The following APPL1 variants were observed in gnomAD, a reference collection of about 807,000 sequenced individuals.
The protein encoded by APPL1 is adaptor protein, phosphotyrosine interacting with PH domain and leucine zipper 1, also known as DCC-interacting protein 13-alpha.
Under a neutral mutation model 106.8 loss-of-function variants are expected in APPL1, and 42 were observed. The observed-to-expected ratio is 0.39, with a 90% CI of 0.31 to 0.51. APPL1 has a LOEUF of 0.51. Ranked by LOEUF, APPL1 falls within the 20% of genes least tolerant of loss-of-function variation. The pLI is 0.75. For missense variants in APPL1, 769 were observed against 858.2 expected, an observed-to-expected ratio of 0.90 and a Z score of 1.30; for synonymous variants, 263 against 281.8, an observed-to-expected ratio of 0.93 and a Z score of 0.67.
chr3:57,233,812 C>T (rs1476298618), intron 1 of APPL1, among the ~76,000 whole-genome samples: 1 of 152,050 alleles, frequency 6.6e-6, no homozygotes. Flanking sequence ...TGTGGTGGCT[C>T]ACACCTGACC....
intron 15 of APPL1, chr3:57,258,721 T>G (rs776769386): frequency 2.2e-5 from 5 of 226,334 alleles, no homozygotes; most frequent in Non-Finnish European, 4.3e-5. Context: ...AAATAAGTGT[T>G]CCTCTGTGCT....
chr3:57,240,134 T>TG (rs1306905322), intron 4 of APPL1, among the ~76,000 whole-genome samples: 3 of 151,440 alleles, frequency 2.0e-5, no homozygotes, highest in Non-Finnish European at 4.4e-5. Flanking sequence ...CTGAGTTGTT[T>TG]TTTTTTTTTT....
intron 1 of APPL1, among the ~76,000 whole-genome samples, chr3:57,231,039 C>A (rs1246742257): frequency 6.6e-6 from 1 of 151,358 alleles, no homozygotes; most frequent in African/African-American, 2.4e-5. Context: ...CCCAACTAAT[C>A]TAAAAATTTT....
At chr3:57,254,998 C>T (rs151298319) in intron 13 of APPL1, among the ~76,000 whole-genome samples, 95 of 152,326 alleles carry the variant, frequency 6.2e-4, no homozygotes, top group Non-Finnish European at 6.8e-4. Context: ...TGTTAAAATG[C>T]GTAATATGAT....
At chr3:57,240,847 G>T (rs1046982871) in intron 5 of APPL1, among the ~76,000 whole-genome samples, 14 of 152,240 alleles carry the variant, frequency 9.2e-5, no homozygotes, top group African/African-American at 3.1e-4. Context: ...TGGCGGGGCT[G>T]TTAGGAGGGG....
intron 6 of APPL1, among the ~76,000 whole-genome samples, 157 bp from the exon 7 acceptor site, chr3:57,242,699 A>C (rs1409296593): frequency 1.3e-5 from 2 of 152,158 alleles, no homozygotes; most frequent in African/African-American, 4.8e-5. Context: ...AATTTAGGGG[A>C]AATTTGGCTG....
chr3:57,256,928 T>A, intron 13 of APPL1, 29 bp from the exon 14 acceptor site: 1 of 1,593,556 alleles, frequency 6.3e-7, no homozygotes. Context: ...TTTACTAATA[T>A]TAGTCCTTTT....
intron 4 of APPL1, chr3:57,238,326 C>G (rs2060727180): frequency 1.3e-5 from 6 of 473,644 alleles, no homozygotes; most frequent in Non-Finnish European, 2.2e-5. Flanking sequence ...TGTGCTTCTT[C>G]TATACGCAGT....
intron 15 of APPL1, chr3:57,258,820 T>C (rs1199882075): frequency 2.3e-6 from 1 of 434,956 alleles, no homozygotes; most frequent in African/African-American, 2.0e-5. Flanking sequence ...CATCTGTGTC[T>C]TCTAAAGTGC....
In APPL1 at chr3:57,228,040, G is replaced by T; in HGVS notation, c.54+103G>T. 1.9e-6 allele frequency: 2 copies of T among 1,040,878 alleles called. No homozygotes were observed. The highest frequency in any genetic ancestry group is 2.5e-6 in the Non-Finnish European group (2 of 804,218). 64.5% of individuals were successfully genotyped at this position (1,040,878 alleles called of 1,614,324 possible). On this transcript the variant is annotated intron_variant, in intron 1 of 21. Coordinates refer to ENST00000288266, the MANE Select transcript of APPL1 (RefSeq NM_012096.3). The surrounding 1 kb of genome is among the most constrained non-coding windows in gnomAD (Gnocchi z 4.6). ...CAGGTGCCCGCCCCGGCCCAGGTGG[G>T]GGCCGCCGCCGCCCTAGGTCACCGC...
chr3:57,249,621 G>T (rs1353095479), intron 11 of APPL1, 73 bp downstream of exon 11: 1 of 1,340,794 alleles, frequency 7.5e-7, no homozygotes, highest in Non-Finnish European at 9.9e-7. Flanking sequence ...ATTCCTTTTT[G>T]TTTAGAAATT....
intron 11 of APPL1, 129 bp downstream of exon 11, chr3:57,249,677 T>C: frequency 1.2e-6 from 1 of 813,368 alleles, no homozygotes; most frequent in Non-Finnish European, 1.8e-6. Context: ...AATTGCTTTT[T>C]AATCTTGTAG....
chr3:57,249,570 C>T lies in APPL1; in HGVS notation c.1052+22C>T, dbSNP rs374580499. 39 of 1,531,592 alleles carry T rather than the reference C, an allele frequency of 2.5e-5. No homozygotes were observed. In the African/African-American group the frequency reaches 3.5e-4, roughly 14 times the overall value. 94.9% of individuals were successfully genotyped at this position (1,531,592 alleles called of 1,614,324 possible). ...AAAAGTTAGTATTTTTTTTCTACTA[C>T]TACTAATCTATAGTATATTAAACTT... is the stretch of plus-strand genomic sequence containing the variant. On this transcript the variant is annotated intron_variant, in intron 11 of 21. Transcript: ENST00000288266.
chr3:57,266,314 C>A (rs1274797650), intron 19 of APPL1, among the ~76,000 whole-genome samples: 1 of 152,062 alleles, frequency 6.6e-6, no homozygotes, highest in Non-Finnish European at 1.5e-5. Flanking sequence ...GCAGGAAAGC[C>A]ATCAGGTACT....
At position 57,273,151 on chromosome 3, in the gene APPL1, G is replaced by A. The variant is rs1181998147; in HGVS notation, c.*3464G>A. ...AATTTACTTCAGTTAATATGAGACTGGGGGTTAAGTTGTAACTAATATGCA... is the reference window on the plus strand; with the variant it reads ...AATTTACTTCAGTTAATATGAGACTAGGGGTTAAGTTGTAACTAATATGCA... On this transcript the variant is annotated 3_prime_UTR_variant, in exon 22 of 22. Coordinates refer to ENST00000288266, the MANE Select transcript of APPL1 (RefSeq NM_012096.3). The A allele has an allele frequency of 6.6e-6, 1 of 152,508 alleles. No individual in the cohort carries two copies. Among genetic ancestry groups the A allele is most frequent in the African/African-American group, 2.4e-5 (1 of 41,430 alleles). The allele number at this position is 152,508 out of a possible 1,614,324, so 9.4% of individuals were successfully genotyped here.
chr3:57,241,798 A>G (rs2060747882), intron 5 of APPL1, among the ~76,000 whole-genome samples: 1 of 152,224 alleles, frequency 6.6e-6, no homozygotes, highest in South Asian at 2.1e-4. Context: ...TATATCAAAA[A>G]TGCATGATTC....
chr3:57,249,238 T>G (rs2060790614), intron 10 of APPL1, 122 bp from the exon 11 acceptor site: 2 of 830,924 alleles, frequency 2.4e-6, no homozygotes, highest in East Asian at 5.2e-5. Flanking sequence ...ATATTTATTT[T>G]CTTGGCATCT....
intron 1 of APPL1, among the ~76,000 whole-genome samples, chr3:57,231,605 G>T (rs2060687281): frequency 6.6e-6 from 1 of 151,842 alleles, no homozygotes; most frequent in Non-Finnish European, 1.5e-5. Flanking sequence ...GAGGGTGGGG[G>T]TTCAAGACCA....
At chr3:57,258,222 A>T (rs905789825) in intron 15 of APPL1, among the ~76,000 whole-genome samples, 4 of 152,090 alleles carry the variant, frequency 2.6e-5, no homozygotes, top group Non-Finnish European at 5.9e-5. Flanking sequence ...CAGCGGCATG[A>T]TCATAGCTCA....
Sources: allele counts gnomAD v4.1 joint callset (sites outside exome capture counted in the v4.1 genomes callset), GRCh38; gene constraint gnomAD v4.1.1; non-coding constraint Gnocchi (gnomAD v3.1); transcripts MANE v1.5; gene names NCBI Gene and HGNC (gene_info 2026-07-23, HGNC 2026-07-21).